FAM110B: variants seen among roughly 807,000 people sequenced by gnomAD.
FAM110B encodes the protein family with sequence similarity 110 member B.
Under a neutral mutation model 20.4 loss-of-function variants are expected in FAM110B, and 6 were observed. The ratio of observed to expected loss-of-function variants is 0.29; its 90% CI spans 0.16 to 0.58. The LOEUF (loss-of-function observed/expected upper bound fraction) is 0.58. Ranked by LOEUF, FAM110B falls within the 20% of genes least tolerant of loss-of-function variation. The probability of loss-of-function intolerance (pLI) is 0.90; values close to 1 mark genes in which losing one functional copy is unlikely to be tolerated. For synonymous variants in FAM110B, 226 were observed against 214.1 expected, an observed-to-expected ratio of 1.06 and a Z score of -0.49; for missense variants, 434 against 498.2, an observed-to-expected ratio of 0.87 and a Z score of 1.23.
chr8:58,100,429 C>T (rs996502469), intron 3 of FAM110B, among the ~76,000 whole-genome samples: 1 of 152,210 alleles, frequency 6.6e-6, no homozygotes, highest in African/African-American at 2.4e-5. Context: ...CAAAATGCCA[C>T]AGACTGGGTG....
chr8:58,145,214 C>CT (rs1401960901), intron 3 of FAM110B, among the ~76,000 whole-genome samples: 1 of 151,712 alleles, frequency 6.6e-6, no homozygotes, highest in Non-Finnish European at 1.5e-5. Flanking sequence ...AAAAAATAAG[C>CT]TTGTGTTTAA....
At chr8:58,119,921 G>C (rs1211350599) in intron 3 of FAM110B, among the ~76,000 whole-genome samples, 1 of 152,198 alleles carries the variant, frequency 6.6e-6, no homozygotes, top group African/African-American at 2.4e-5. Context: ...CAAGACTCAG[G>C]TTTGAGTAAA....
rs1563386942 is a variant in FAM110B, at chr8:58,146,676, C to T, written c.446C>T (p.Ser149Leu). The change falls in exon 4 of 4, where the codon TCG (serine) becomes TTG (leucine). Residue 149 changes from serine (S) to leucine (L), a missense_variant. By Grantham distance (145) the Ser-to-Leu change is moderately radical. Transcript: ENST00000519262. ...TCCCGCAACTGGCCGCCCCACCGGTCGGAAGCCACTGACCTGCACCGTCAC... is the reference window on the plus strand; with the variant it reads ...TCCCGCAACTGGCCGCCCCACCGGTTGGAAGCCACTGACCTGCACCGTCAC... The part of the protein sequence containing the change: ...HSSRNWPPHR[S>L]EATDLHRHSF... 3 of 1,612,536 alleles carry T rather than the reference C, an allele frequency of 1.9e-6. No homozygotes were observed. The highest frequency in any genetic ancestry group is 2.2e-5 in the South Asian group (2 of 90,882).
At chr8:58,144,298 G>A (rs1394161764) in intron 3 of FAM110B, among the ~76,000 whole-genome samples, 2 of 152,184 alleles carry the variant, frequency 1.3e-5, no homozygotes, top group African/African-American at 4.8e-5. Context: ...CTTCTGTAAA[G>A]AGGATGAGAT....
At chr8:57,999,953 G>A (rs1163531943) in intron 1 of FAM110B, among the ~76,000 whole-genome samples, 1 of 152,128 alleles carries the variant, frequency 6.6e-6, no homozygotes, top group East Asian at 1.9e-4. Flanking sequence ...AGGGTTTGAA[G>A]ATAAGTCTTT....
intron 3 of FAM110B, among the ~76,000 whole-genome samples, chr8:58,128,996 T>C (rs1192543618): frequency 1.3e-5 from 2 of 152,180 alleles, no homozygotes; most frequent in Non-Finnish European, 2.9e-5. Context: ...AAGCTTCACC[T>C]CCTGAGTTCT....
chr8:58,021,066 G>A (rs1330935629), intron 1 of FAM110B, among the ~76,000 whole-genome samples: 2 of 152,132 alleles, frequency 1.3e-5, no homozygotes, highest in African/African-American at 4.8e-5. Context: ...CCATCGGATG[G>A]AAGGCTTTTT....
intron 3 of FAM110B, among the ~76,000 whole-genome samples, chr8:58,085,668 T>C (rs1035443123): frequency 2.0e-5 from 3 of 152,200 alleles, no homozygotes; most frequent in Non-Finnish European, 4.4e-5. Context: ...CTCTGGCACA[T>C]TGATTTATGA....
intron 1 of FAM110B, among the ~76,000 whole-genome samples, chr8:58,016,116 T>G (rs2150567688): frequency 6.6e-6 from 1 of 152,276 alleles, no homozygotes. Context: ...GTCTCTTTGG[T>G]GGATTTGGCC....
chr8:57,998,746 T>C (rs1377530277), intron 1 of FAM110B, among the ~76,000 whole-genome samples: 2 of 152,226 alleles, frequency 1.3e-5, no homozygotes, highest in East Asian at 1.9e-4. Context: ...TAGTTTTTCA[T>C]TCTTTGTGAA....
At chr8:58,134,285 C>T (rs1803558034) in intron 3 of FAM110B, among the ~76,000 whole-genome samples, 1 of 152,174 alleles carries the variant, frequency 6.6e-6, no homozygotes, top group Non-Finnish European at 1.5e-5. Context: ...ACTGGTTCTG[C>T]TGTAAAATTC....
chr8:58,141,483 A>AC (rs746270322), intron 3 of FAM110B, among the ~76,000 whole-genome samples: 1 of 151,858 alleles, frequency 6.6e-6, no homozygotes, highest in Non-Finnish European at 1.5e-5. Context: ...CTCTTTCAAT[A>AC]CCCCCCTTTT....
intron 1 of FAM110B, among the ~76,000 whole-genome samples, chr8:58,018,464 T>A (rs1156941642): frequency 1.3e-5 from 2 of 152,154 alleles, no homozygotes; most frequent in East Asian, 3.8e-4. Context: ...TATATATTTT[T>A]TCCATTCCTT....
intron 3 of FAM110B, among the ~76,000 whole-genome samples, chr8:58,122,264 G>A (rs1807381277): frequency 6.6e-6 from 1 of 151,900 alleles, no homozygotes; most frequent in East Asian, 1.9e-4. Flanking sequence ...CTTTGTCTCT[G>A]GTGCTCTGGA....
At chr8:58,135,721 G>A (rs1020133215) in intron 3 of FAM110B, among the ~76,000 whole-genome samples, 8 of 152,180 alleles carry the variant, frequency 5.3e-5, no homozygotes, top group South Asian at 2.1e-4. Flanking sequence ...CACTGGGCAC[G>A]GCTCCCCAAA....
chr8:58,136,670 C>G (rs1379380101), intron 3 of FAM110B, among the ~76,000 whole-genome samples: 1 of 152,126 alleles, frequency 6.6e-6, no homozygotes, highest in African/African-American at 2.4e-5. Flanking sequence ...CAAGGCTCCC[C>G]CTCACTGATG....
intron 2 of FAM110B, among the ~76,000 whole-genome samples, chr8:58,064,085 C>G (rs372789760): frequency 6.6e-6 from 1 of 152,208 alleles, no homozygotes; most frequent in East Asian, 1.9e-4. Context: ...TTTTAAACAA[C>G]CAGATCTTGT....
At chr8:58,085,872 A>G (rs1012324797) in intron 3 of FAM110B, among the ~76,000 whole-genome samples, 1 of 152,192 alleles carries the variant, frequency 6.6e-6, no homozygotes, top group Non-Finnish European at 1.5e-5. Context: ...GTGCTCAATT[A>G]AAAAATCAAT....
In FAM110B at chr8:58,031,641, G is replaced by T. The variant is rs1585825987; in HGVS notation, c.-476G>T. The stretch of plus-strand genomic sequence containing the variant: ...ATTGGACATCCAGAGCAGCATTCTT[G>T]TTCTGTCTACGTCTTGAATTAGAAA... On this transcript the variant is annotated 5_prime_UTR_variant, in exon 2 of 4. Coordinates refer to ENST00000519262, the MANE Select transcript of FAM110B (RefSeq NM_001377989.1). 1.3e-5 allele frequency: 2 copies of T among 152,130 alleles called. No individual in the cohort carries two copies. The highest frequency in any genetic ancestry group is 3.9e-4 in the East Asian group (2 of 5,188). The allele number at this position is 152,130 out of a possible 1,614,324, so 9.4% of individuals were successfully genotyped here. A position where few individuals can be genotyped will look rare whatever the true frequency, so the allele number is the denominator to read the frequency against.
Sources: gnomAD v4.1 joint callset for allele counts (sites outside exome capture counted in the v4.1 genomes callset) on GRCh38, gnomAD v4.1.1 for gene constraint, MANE v1.5 for transcripts, NCBI Gene and HGNC (gene_info 2026-07-23, HGNC 2026-07-21) for gene names.